LCA5L: variants seen among roughly 807,000 people sequenced by gnomAD.
LCA5L encodes lebercilin LCA5 like.
LCA5L carries 35 observed loss-of-function variants against 45.4 expected under a neutral mutation model. The observed-to-expected ratio is 0.77, with a 90% CI of 0.59 to 1.02. The LOEUF is 1.02. Among genes scored for constraint, LCA5L ranks in the 50% least tolerant of loss-of-function variants. The pLI, the probability that LCA5L is intolerant of heterozygous loss-of-function variation, is 0.00. For synonymous variants in LCA5L, 233 were observed against 264.7 expected, an observed-to-expected ratio of 0.88 and a Z score of 1.16; for missense variants, 668 against 761.6, an observed-to-expected ratio of 0.88 and a Z score of 1.45.
At chr21:39,419,523 C>CAAAAAAAAAAAAAAAA (rs5843964) in intron 7 of LCA5L, among the ~76,000 whole-genome samples, 1 of 123,554 alleles carries the variant, frequency 8.1e-6, no homozygotes, top group Non-Finnish European at 1.6e-5. Flanking sequence ...AGACCCTGTT[C>CAAAAAAAAAAAAAAAA]AAAAAAAAAA....
At chr21:39,406,977 G>A (rs1014730600) in intron 10 of LCA5L, among the ~76,000 whole-genome samples, 8 of 152,116 alleles carry the variant, frequency 5.3e-5, no homozygotes, top group African/African-American at 1.4e-4. Flanking sequence ...CTGTAATTCC[G>A]GCACTTTGGG....
intron 5 of LCA5L, 77 bp from the exon 6 acceptor site, chr21:39,423,567 T>C: frequency 7.7e-7 from 1 of 1,300,760 alleles, no homozygotes; most frequent in South Asian, 1.5e-5. Context: ...ATAATCTCTC[T>C]CCCATGCCCC....
intron 9 of LCA5L, 74 bp from the exon 10 acceptor site, chr21:39,410,170 A>G (rs2039836017): frequency 4.0e-6 from 5 of 1,249,712 alleles, no homozygotes; most frequent in Non-Finnish European, 5.8e-6. Context: ...TATTCTAATG[A>G]CTACAAATAC....
chr21:39,438,177 TAA>T (rs1440173504), intron 2 of LCA5L, among the ~76,000 whole-genome samples: 1 of 152,222 alleles, frequency 6.6e-6, no homozygotes, highest in African/African-American at 2.4e-5. Context: ...TATTCTGGAA[TAA>T]AGAGTTCAGA....
Position 39,410,058 on chromosome 21 carries a change from T to C in LCA5L, c.1203A>G (p.Lys401=), listed in dbSNP as rs1385059509. ...GAATTTCATGATTTATTTCAGTTGA[T>C]TTTTCTTTATGATCGATGTTTCCTG... ...KATGNIDHKE[K]STEINHEIPH... is the part of the protein sequence containing the mutation. Residue 401 remains lysine (K), a synonymous_variant, in exon 10 of 11, where the codon AAA becomes AAG. Transcript: ENST00000288350. The C allele has an allele frequency of 6.2e-7, 1 of 1,611,492 alleles. No individual in the cohort carries two copies. The highest frequency in any genetic ancestry group is 1.7e-5 in the Admixed American group (1 of 59,872).
intron 3 of LCA5L, among the ~76,000 whole-genome samples, chr21:39,431,430 T>G (rs2837032): frequency 0.23 from 34,512 of 151,342 alleles, 4,429 homozygotes; most frequent in African/African-American, 0.35. Flanking sequence ...GGATCTAGTT[T>G]CCTCAGGATG....
At chr21:39,414,310 G>T (rs2040645386) in intron 7 of LCA5L, 1 of 152,194 alleles carries the variant, frequency 6.6e-6, no homozygotes, top group African/African-American at 2.4e-5. Flanking sequence ...CGTAGCCTGG[G>T]TGTAAGACGG....
At chr21:39,424,138 G>A (rs1401618053) in intron 5 of LCA5L, among the ~76,000 whole-genome samples, 2 of 152,050 alleles carry the variant, frequency 1.3e-5, no homozygotes, top group African/African-American at 2.4e-5. Flanking sequence ...TCAGCCTCCC[G>A]AGTAGCTGGG....
Position 39,410,376 on chromosome 21 carries a change from C to G in LCA5L, c.1061-9G>C. On this transcript the variant is annotated splice_polypyrimidine_tract_variant and intron_variant, in intron 8 of 10. Transcript: ENST00000288350. ...TGATTTTGTTGAAGAAACTATGGAA[C>G]AGGTAGATTATATGTAAGAAACATA... 1 of 1,455,336 alleles carries G rather than the reference C, an allele frequency of 6.9e-7. No individual in the cohort carries two copies. Among genetic ancestry groups the G allele is most frequent in the Non-Finnish European group, 9.5e-7 (1 of 1,048,770 alleles). The allele number at this position is 1,455,336 out of a possible 1,614,324, so 90.2% of individuals were successfully genotyped here. A position where few individuals can be genotyped will look rare whatever the true frequency, so the allele number is the denominator to read the frequency against.
intron 6 of LCA5L, chr21:39,421,872 T>C (rs2147677104): frequency 6.6e-6 from 1 of 152,350 alleles, no homozygotes; most frequent in East Asian, 1.9e-4. Flanking sequence ...TAAGTGCTTT[T>C]TGTATCAAAG....
intron 5 of LCA5L, among the ~76,000 whole-genome samples, chr21:39,424,594 ATATGT>A (rs1267731059): frequency 1.3e-5 from 2 of 152,238 alleles, no homozygotes; most frequent in African/African-American, 4.8e-5. Context: ...CCTTTCAACA[ATATGT>A]TATGGGTAAT....
chr21:39,427,197 T>C (rs1048618192), intron 5 of LCA5L, among the ~76,000 whole-genome samples: 7 of 152,074 alleles, frequency 4.6e-5, no homozygotes, highest in Admixed American at 2.6e-4. Flanking sequence ...ATGGTCAACA[T>C]GGACAAGAGC....
At chr21:39,418,567 C>A (rs2041713311) in intron 7 of LCA5L, among the ~76,000 whole-genome samples, 1 of 152,104 alleles carries the variant, frequency 6.6e-6, no homozygotes, top group Admixed American at 6.5e-5. Context: ...GTGGCACAAT[C>A]TTGGCTCACT....
chr21:39,431,467 C>CA, intron 3 of LCA5L, among the ~76,000 whole-genome samples: 1 of 151,752 alleles, frequency 6.6e-6, no homozygotes, highest in Non-Finnish European at 1.5e-5. Flanking sequence ...ACCATAAAGA[C>CA]AATTTTTTTT....
chr21:39,418,883 A>G (rs766137990), intron 7 of LCA5L, among the ~76,000 whole-genome samples: 2 of 152,230 alleles, frequency 1.3e-5, no homozygotes, highest in African/African-American at 2.4e-5. Context: ...AAATTCCCCA[A>G]TTGTGTCTCC....
intron 7 of LCA5L, among the ~76,000 whole-genome samples, chr21:39,420,214 A>C (rs1189857129): frequency 6.6e-6 from 1 of 152,278 alleles, no homozygotes; most frequent in East Asian, 1.9e-4. Context: ...TATCTGAGAA[A>C]GATATTAATG....
rs1406664742 is a variant in LCA5L, at chr21:39,414,738, CTCTCTGTGTG to C, written c.976-2946_976-2937del. Reference sequence around the variant, plus strand: ...CCTCTCTCTCTCTCTCTCTCTCTCTCTCTCTGTGTGTGTGTGTGTGTGTGTGTGTGTGTGT... The same window carrying C: ...CCTCTCTCTCTCTCTCTCTCTCTCTCTGTGTGTGTGTGTGTGTGTGTGTGT... On this transcript the variant is annotated intron_variant, in intron 7 of 10. Coordinates refer to ENST00000288350, the MANE Select transcript of LCA5L (RefSeq NM_152505.4). 2.0e-3 allele frequency among the ~76,000 whole-genome samples: 211 copies of C among 107,374 alleles called. 1 individual carries two copies. The highest frequency in any genetic ancestry group is 0.016 in the Middle Eastern group (3 of 192). The allele number at this position is 107,374 out of a possible 152,430, so 70.4% of individuals were successfully genotyped here.
chr21:39,428,321 C>G lies in LCA5L; in HGVS notation c.173G>C (p.Cys58Ser). The stretch of plus-strand genomic sequence containing the variant: ...ATCATACTGAGAACTTAAACTTCCA[C>G]AGGAGCACTGAGATCTGCTATAATC... The part of the protein sequence containing the change: ...SVDYSRSQCS[C>S]GSLSSQYDYS... The change falls in exon 5 of 11, where the codon TGT (cysteine) becomes TCT (serine). Residue 58 changes from cysteine (C) to serine (S), a missense_variant. Coordinates refer to ENST00000288350, the MANE Select transcript of LCA5L (RefSeq NM_152505.4). The G allele has an allele frequency of 6.2e-7, 1 of 1,613,696 alleles. No homozygotes were observed. Among genetic ancestry groups the G allele is most frequent in the Middle Eastern group, 1.7e-4 (1 of 6,060 alleles).
chr21:39,443,759 C>T (rs149402788), intron 2 of LCA5L: 1,839 of 152,424 alleles, frequency 0.012, 19 homozygotes, highest in Non-Finnish European at 0.017. Context: ...TAGGGCCGGG[C>T]GCAGTGGCTC....
Sources: allele counts gnomAD v4.1 joint callset (sites outside exome capture counted in the v4.1 genomes callset), GRCh38; gene constraint gnomAD v4.1.1; transcripts MANE v1.5; gene names NCBI Gene and HGNC (gene_info 2026-07-23, HGNC 2026-07-21).